Variants in ATRN observed in about 807,000 individuals in gnomAD.
ATRN encodes the protein attractin, also known as attractin-2.
Under a neutral mutation model 178.7 loss-of-function variants are expected in ATRN, and 54 were observed. The ratio of observed to expected loss-of-function variants is 0.30; its 90% CI spans 0.24 to 0.38. The LOEUF (loss-of-function observed/expected upper bound fraction) is 0.38, where lower values mean the gene tolerates loss of function less well. ATRN is among the 10% of genes least tolerant of loss of function. ATRN has a pLI of 1.00. For synonymous variants in ATRN, 636 were observed against 663.0 expected (o/e 0.96, Z 0.63); for missense variants, 1,443 against 1,815.1 (o/e 0.79, Z 3.73).
chr20:3,631,113 G>A (rs2086987012), intron 25 of ATRN, among the ~76,000 whole-genome samples: 1 of 151,418 alleles, frequency 6.6e-6, no homozygotes, highest in East Asian at 1.9e-4. Context: ...ATCATGCCCA[G>A]CTAATATTTT....
intron 19 of ATRN, 143 bp from the exon 20 acceptor site, chr20:3,594,336 A>G: frequency 1.8e-6 from 1 of 549,844 alleles, no homozygotes. Flanking sequence ...AAAATCATGA[A>G]TCTTACCCAT....
At chr20:3,575,351 G>A (rs1185303662) in intron 12 of ATRN, among the ~76,000 whole-genome samples, 4 of 152,134 alleles carry the variant, frequency 2.6e-5, no homozygotes, top group Admixed American at 6.5e-5. Flanking sequence ...GAATTTACAC[G>A]CATGTACAAA....
intron 6 of ATRN, among the ~76,000 whole-genome samples, chr20:3,558,444 A>C (rs2085907321): frequency 6.6e-6 from 1 of 152,036 alleles, no homozygotes; most frequent in Admixed American, 6.6e-5. Context: ...TATATATGAT[A>C]ATGTTTTTCA....
intron 1 of ATRN, among the ~76,000 whole-genome samples, chr20:3,518,673 A>G (rs999215035): frequency 3.9e-5 from 6 of 152,098 alleles, no homozygotes; most frequent in East Asian, 1.9e-4. Context: ...CTACTGAACA[A>G]TTATCCCCCA....
At chr20:3,560,930 G>A (rs774725952) in intron 8 of ATRN, 25 bp downstream of exon 8, 7 of 1,609,602 alleles carry the variant, frequency 4.3e-6, no homozygotes, top group Non-Finnish European at 5.9e-6. Flanking sequence ...TCCAGTAGAT[G>A]CCTTTTGAAC....
intron 1 of ATRN, among the ~76,000 whole-genome samples, chr20:3,494,086 G>T (rs1252705856): frequency 1.3e-5 from 2 of 152,142 alleles, no homozygotes; most frequent in East Asian, 1.9e-4. Context: ...AATTAGCTCA[G>T]CACTGAAAAC....
chr20:3,556,274 A>C (rs1206105705), intron 6 of ATRN, among the ~76,000 whole-genome samples: 1 of 152,222 alleles, frequency 6.6e-6, no homozygotes, highest in Non-Finnish European at 1.5e-5. Flanking sequence ...AAAATTTTAT[A>C]GTTTCTTCAT....
rs779224931 is a variant in ATRN, at chr20:3,484,249, T to TAA, written c.410+12744_410+12745dup. 2.7e-3 allele frequency among the ~76,000 whole-genome samples: 381 copies of TAA among 142,596 alleles called. 2 individuals are homozygous for TAA. Among genetic ancestry groups the TAA allele is most frequent in the African/African-American group, 7.2e-3 (281 of 39,046 alleles). 93.5% of individuals were successfully genotyped at this position (142,596 alleles called of 152,430 possible). A position where few individuals can be genotyped will look rare whatever the true frequency, so the allele number is the denominator to read the frequency against. On this transcript the variant is annotated intron_variant, in intron 1 of 28. Transcript: ENST00000262919. ...GGATGACAGAGAGGGACCTTGTCTTTAAAAAAAAAAAAACAACAAAGAAAC... is the reference window on the plus strand; with the variant it reads ...GGATGACAGAGAGGGACCTTGTCTTTAAAAAAAAAAAAAAACAACAAAGAAAC...
chr20:3,591,209 C>G lies in ATRN; in HGVS notation c.3225C>G (p.Ser1075Arg). Reference protein sequence around the residue: ...CNGHSKCINQSICEKCENLTT... With the variant: ...CNGHSKCINQRICEKCENLTT... ...GCCACAGTAAATGCATCAATCAGAG[C>G]ATCTGTGAGAAGTGTGAGAACCTGA... is the stretch of plus-strand genomic sequence containing the variant. The change falls in exon 19 of 29, where the codon AGC (serine) becomes AGG (arginine). Residue 1075 changes from serine (S) to arginine (R), a missense_variant. By Grantham distance (110) the Ser-to-Arg change is moderately radical. This residue lies in a region of ATRN where 80 missense variants were observed against 71.5 expected (regional missense o/e 1.12). Transcript: ENST00000262919. The G allele has an allele frequency of 6.2e-7, 1 of 1,614,186 alleles. No homozygotes were observed. Among genetic ancestry groups the G allele is most frequent in the Non-Finnish European group, 8.5e-7 (1 of 1,180,014 alleles).
chr20:3,613,633 T>C (rs1402997953), intron 24 of ATRN, among the ~76,000 whole-genome samples: 1 of 152,252 alleles, frequency 6.6e-6, no homozygotes, highest in Non-Finnish European at 1.5e-5. Flanking sequence ...AATTTCAGTA[T>C]GGCTTTCGAT....
At position 3,556,093 on chromosome 20, in the gene ATRN, TTTAA is replaced by T. The variant is rs929759321; in HGVS notation, c.1113-3296_1113-3293del. On this transcript the variant is annotated intron_variant, in intron 6 of 28. Coordinates refer to ENST00000262919, the MANE Select transcript of ATRN (RefSeq NM_139321.3). ...GATACAGCAAAAATTAGAATGAAAATTTAATTACTGACAGGTTGAGATAATTGTA... is the reference window on the plus strand; with the variant it reads ...GATACAGCAAAAATTAGAATGAAAATTTACTGACAGGTTGAGATAATTGTA... 5.9e-3 allele frequency among the ~76,000 whole-genome samples: 895 copies of T among 152,162 alleles called. 8 individuals carry two copies. The highest frequency in any genetic ancestry group is 0.021 in the African/African-American group (866 of 41,494).
intron 1 of ATRN, among the ~76,000 whole-genome samples, chr20:3,527,171 A>C (rs1413144476): frequency 6.6e-6 from 1 of 152,220 alleles, no homozygotes; most frequent in African/African-American, 2.4e-5. Flanking sequence ...AAATTTTTGC[A>C]ATCTATCCAT....
At chr20:3,512,891 C>T in intron 1 of ATRN, among the ~76,000 whole-genome samples, 1 of 152,184 alleles carries the variant, frequency 6.6e-6, no homozygotes, top group Non-Finnish European at 1.5e-5. Flanking sequence ...TGTCTGTTGG[C>T]TGCATAAATG....
chr20:3,472,987 T>TG, intron 1 of ATRN, among the ~76,000 whole-genome samples: 1 of 152,354 alleles, frequency 6.6e-6, no homozygotes, highest in East Asian at 1.9e-4. Context: ...GTTGAGCAGA[T>TG]GAGCTCTTTA....
intron 27 of ATRN, among the ~76,000 whole-genome samples, chr20:3,639,546 C>T (rs543516009): frequency 1.3e-5 from 2 of 152,198 alleles, no homozygotes; most frequent in East Asian, 3.9e-4. Context: ...AACCACCGCA[C>T]CCAGCCTATT....
At chr20:3,612,793 C>T (rs963053686) in intron 24 of ATRN, among the ~76,000 whole-genome samples, 39 of 152,248 alleles carry the variant, frequency 2.6e-4, no homozygotes, top group Middle Eastern at 3.4e-3. Context: ...AATTGAACAT[C>T]GTGCTTTGTT....
chr20:3,474,708 A>AAACAAC (rs952914477), intron 1 of ATRN, among the ~76,000 whole-genome samples: 1 of 150,588 alleles, frequency 6.6e-6, no homozygotes, highest in Non-Finnish European at 1.5e-5. Context: ...GTCCATCTCA[A>AAACAAC]AACAACAACA....
intron 1 of ATRN, among the ~76,000 whole-genome samples, chr20:3,484,226 A>T (rs1380619539): frequency 1.3e-5 from 2 of 151,596 alleles, no homozygotes; most frequent in African/African-American, 4.8e-5. Flanking sequence ...TCTATCCTGG[A>T]TGACAGAGAG....
chr20:3,481,598 C>T (rs238735), intron 1 of ATRN, among the ~76,000 whole-genome samples: 9,088 of 152,116 alleles, frequency 0.06, 290 homozygotes, highest in African/African-American at 0.067. Flanking sequence ...CTCTCATCTG[C>T]GCCTGCCAAA....
Sources: allele counts gnomAD v4.1 joint callset (sites outside exome capture counted in the v4.1 genomes callset), GRCh38; gene constraint gnomAD v4.1.1; regional missense constraint gnomAD v4.1.1; transcripts MANE v1.5; gene names NCBI Gene and HGNC (gene_info 2026-07-23, HGNC 2026-07-21).